The following TMEM132D variants were observed in gnomAD, a reference collection of about 807,000 sequenced individuals.
The protein encoded by TMEM132D is transmembrane protein 132D, also known as mature OL transmembrane protein.
TMEM132D carries 21 observed loss-of-function variants against 62.3 expected under a neutral mutation model. The observed-to-expected ratio is 0.34, with a 90% CI of 0.24 to 0.49. The LOEUF (loss-of-function observed/expected upper bound fraction) is 0.49, where lower values mean the gene tolerates loss of function less well. TMEM132D is among the 20% of genes least tolerant of loss of function. The pLI is 0.99. For synonymous variants in TMEM132D, 621 were observed against 575.6 expected, an observed-to-expected ratio of 1.08 and a Z score of -1.13; for missense variants, 1,346 against 1,402.8, an observed-to-expected ratio of 0.96 and a Z score of 0.65.
intron 4 of TMEM132D, among the ~76,000 whole-genome samples, chr12:129,219,793 T>C (rs553214349): frequency 2.6e-5 from 4 of 152,158 alleles, no homozygotes; most frequent in Non-Finnish European, 4.4e-5. Flanking sequence ...GATACAAACA[T>C]GGTGGTAGCC....
At chr12:129,318,610 T>C (rs1349782787) in intron 4 of TMEM132D, among the ~76,000 whole-genome samples, 4 of 152,190 alleles carry the variant, frequency 2.6e-5, no homozygotes, top group African/African-American at 9.7e-5. Context: ...TCTATGTTTG[T>C]GCTGGTGGCA....
chr12:129,492,980 C>T (rs372980095), intron 3 of TMEM132D, among the ~76,000 whole-genome samples: 2 of 152,192 alleles, frequency 1.3e-5, no homozygotes, highest in South Asian at 2.1e-4. Flanking sequence ...AGTCACCCCG[C>T]GGAACCTCCT....
At chr12:129,431,470 C>A (rs1008807635) in intron 3 of TMEM132D, among the ~76,000 whole-genome samples, 71 of 152,270 alleles carry the variant, frequency 4.7e-4, no homozygotes, top group Middle Eastern at 3.4e-3. Context: ...CAGAACTATG[C>A]ACACGGGATG....
intron 3 of TMEM132D, among the ~76,000 whole-genome samples, chr12:129,484,361 A>C (rs557966980): frequency 6.6e-5 from 10 of 152,344 alleles, no homozygotes; most frequent in Non-Finnish European, 8.8e-5. Context: ...AACTTGTCCA[A>C]GGGTAACTTT....
intron 5 of TMEM132D, among the ~76,000 whole-genome samples, chr12:129,147,294 GTATA>G (rs1220769414): frequency 2.0e-5 from 3 of 148,796 alleles, no homozygotes; most frequent in South Asian, 4.3e-4. Context: ...ATGTGCATAT[GTATA>G]TATATACATA....
At chr12:129,451,053 C>T (rs12301320) in intron 3 of TMEM132D, among the ~76,000 whole-genome samples, 1,692 of 152,182 alleles carry the variant, frequency 0.011, 19 homozygotes, top group African/African-American at 0.033. Flanking sequence ...TGAGCCACCG[C>T]GCCCGGCCAA....
At chr12:129,092,344 T>C (rs1874953580) in intron 5 of TMEM132D, among the ~76,000 whole-genome samples, 1 of 151,368 alleles carries the variant, frequency 6.6e-6, no homozygotes, top group African/African-American at 2.4e-5. Flanking sequence ...GCTACAGTTG[T>C]TGAAATTCTG....
At chr12:129,791,799 C>G in intron 1 of TMEM132D, among the ~76,000 whole-genome samples, 1 of 152,032 alleles carries the variant, frequency 6.6e-6, no homozygotes, top group South Asian at 2.1e-4. Context: ...ATGTTGGCTG[C>G]AAAAAATCAA....
intron 5 of TMEM132D, among the ~76,000 whole-genome samples, chr12:129,159,112 A>G (rs1012091437): frequency 6.6e-6 from 1 of 152,220 alleles, no homozygotes; most frequent in Non-Finnish European, 1.5e-5. Context: ...CATATCATCA[A>G]TTGTTTCAAA....
chr12:129,120,145 G>C (rs1158154051), intron 5 of TMEM132D, among the ~76,000 whole-genome samples: 1 of 152,150 alleles, frequency 6.6e-6, no homozygotes, highest in African/African-American at 2.4e-5. Flanking sequence ...ATTATTAGAA[G>C]CACTGCATAA....
chr12:129,898,175 G>T (rs114700754), intron 1 of TMEM132D, among the ~76,000 whole-genome samples: 11 of 152,138 alleles, frequency 7.2e-5, no homozygotes, highest in Admixed American at 7.2e-4. Context: ...TTCCTGCGGC[G>T]CTCTGAATTA....
intron 5 of TMEM132D, among the ~76,000 whole-genome samples, chr12:129,207,443 T>G (rs1878887029): frequency 1.3e-5 from 2 of 152,188 alleles, no homozygotes; most frequent in South Asian, 4.1e-4. Context: ...GAATAGAAGT[T>G]CAGCAGGGAT....
chr12:129,318,195 T>C (rs1349805482), intron 4 of TMEM132D, among the ~76,000 whole-genome samples: 1 of 152,184 alleles, frequency 6.6e-6, no homozygotes, highest in Non-Finnish European at 1.5e-5. Flanking sequence ...CTAGCATGAT[T>C]TTCGAAGGGG....
At chr12:129,766,909 C>A (rs1459627720) in intron 1 of TMEM132D, among the ~76,000 whole-genome samples, 1 of 152,174 alleles carries the variant, frequency 6.6e-6, no homozygotes, top group African/African-American at 2.4e-5. Context: ...CATGGCAACA[C>A]CCGGAAGTTA....
intron 3 of TMEM132D, among the ~76,000 whole-genome samples, chr12:129,424,239 G>T (rs1872413867): frequency 6.6e-6 from 1 of 151,400 alleles, no homozygotes; most frequent in Non-Finnish European, 1.5e-5. Context: ...TATCGCATGA[G>T]CGGGAAGCAT....
chr12:129,410,866 G>C (rs1411898346), intron 3 of TMEM132D, among the ~76,000 whole-genome samples: 8 of 152,162 alleles, frequency 5.3e-5, no homozygotes, highest in Non-Finnish European at 1.2e-4. Flanking sequence ...ATGATATTAA[G>C]ACTTCTAATT....
rs889843479 is a variant in TMEM132D, at chr12:129,903,461, C to G, written c.-122G>C. On this transcript the variant is annotated 5_prime_UTR_variant, in exon 1 of 9. Coordinates refer to ENST00000422113, the MANE Select transcript of TMEM132D (RefSeq NM_133448.3). This position sits in a 1 kb window ranked among gnomAD's most constrained non-coding sequence, Gnocchi z 6.2. ...GCGAGGGAGCGCCCGGCTAGGGGCC[C>G]GAGCAGCCCGGGCGCCCTGCTCCCT... The G allele has an allele frequency of 9.5e-6, 10 of 1,049,004 alleles. 1 individual carries two copies. Among genetic ancestry groups the G allele is most frequent in the South Asian group, 6.1e-5 (4 of 65,302 alleles). The allele number at this position is 1,049,004 out of a possible 1,614,324, so 65.0% of individuals were successfully genotyped here.
intron 1 of TMEM132D, among the ~76,000 whole-genome samples, chr12:129,901,032 C>T (rs1299218995): frequency 2.0e-5 from 3 of 152,102 alleles, no homozygotes; most frequent in Non-Finnish European, 4.4e-5. Context: ...TTAAAATCTG[C>T]CCTTTGTTTC....
chr12:129,602,443 T>C (rs1037261777), intron 2 of TMEM132D, among the ~76,000 whole-genome samples: 4 of 151,068 alleles, frequency 2.6e-5, no homozygotes, highest in African/African-American at 2.4e-5. Context: ...GCAATGGTAA[T>C]ATGCAAAGTA....
Sources: allele counts gnomAD v4.1 joint callset (sites outside exome capture counted in the v4.1 genomes callset), GRCh38; gene constraint gnomAD v4.1.1; non-coding constraint Gnocchi (gnomAD v3.1); transcripts MANE v1.5; gene names NCBI Gene and HGNC (gene_info 2026-07-23, HGNC 2026-07-21).